Variants in TNFSF4 observed in about 807,000 individuals in gnomAD.
TNFSF4 encodes TNF superfamily member 4.
A neutral mutation model predicts 7.3 loss-of-function variants in TNFSF4; 4 were observed. That is an observed-to-expected ratio of 0.55 (90% CI 0.27 to 1.25). The LOEUF is 1.25. Among genes scored for constraint, TNFSF4 ranks in the 50% most tolerant of loss-of-function variants. TNFSF4 has a pLI of 0.12. For synonymous variants in TNFSF4, 76 were observed against 83.7 expected, an observed-to-expected ratio of 0.91 and a Z score of 0.50; for missense variants, 181 against 208.8, an observed-to-expected ratio of 0.87 and a Z score of 0.82.
the TNFSF4 span, among the ~76,000 whole-genome samples, chr1:173,274,493 G>A: frequency 6.6e-6 from 1 of 152,016 alleles, no homozygotes; most frequent in Non-Finnish European, 1.5e-5. Context: ...TAGTAACCAC[G>A]GTAAGCAGAA....
At chr1:173,243,012 G>GC in the TNFSF4 span, among the ~76,000 whole-genome samples, 3 of 113,394 alleles carry the variant, frequency 2.6e-5, no homozygotes, top group African/African-American at 9.7e-5. Context: ...GGTGGGGGGG[G>GC]GGGGGGAGCA....
chr1:173,405,985 T>C, the TNFSF4 span, among the ~76,000 whole-genome samples: 51 of 152,226 alleles, frequency 3.4e-4, no homozygotes, highest in African/African-American at 1.2e-3. Flanking sequence ...GTGTGTGTTA[T>C]TGGATCTAGA....
At chr1:173,427,661 G>C in the TNFSF4 span, among the ~76,000 whole-genome samples, 1 of 152,174 alleles carries the variant, frequency 6.6e-6, no homozygotes, top group South Asian at 2.1e-4. Flanking sequence ...CTTAACGACA[G>C]CAATACATTC....
chr1:173,264,892 G>A, the TNFSF4 span, among the ~76,000 whole-genome samples: 2 of 152,172 alleles, frequency 1.3e-5, no homozygotes, highest in East Asian at 3.8e-4. Flanking sequence ...AAGGGAAGAA[G>A]GACAAGGTTA....
intron 1 of TNFSF4, among the ~76,000 whole-genome samples, chr1:173,195,181 G>A (rs1298363523): frequency 1.3e-5 from 2 of 152,126 alleles, no homozygotes; most frequent in Non-Finnish European, 2.9e-5. Flanking sequence ...ATTTATCTGA[G>A]GGTCCTAAAT....
the TNFSF4 span, among the ~76,000 whole-genome samples, chr1:173,315,492 A>G: frequency 6.6e-6 from 1 of 152,160 alleles, no homozygotes; most frequent in Admixed American, 6.5e-5. Context: ...TGCTACTTCA[A>G]TAAAAGACTA....
the TNFSF4 span, among the ~76,000 whole-genome samples, chr1:173,399,246 T>G: frequency 1.3e-5 from 2 of 152,172 alleles, no homozygotes; most frequent in Non-Finnish European, 2.9e-5. Flanking sequence ...AACCTGCACC[T>G]ATACCCTCAT....
chr1:173,202,321 C>T (rs1268509421), intron 1 of TNFSF4, among the ~76,000 whole-genome samples: 4 of 152,160 alleles, frequency 2.6e-5, no homozygotes, highest in Non-Finnish European at 4.4e-5. Context: ...CATCCCCATC[C>T]AAATTATTCT....
At chr1:173,357,400 T>C in the TNFSF4 span, among the ~76,000 whole-genome samples, 1 of 152,198 alleles carries the variant, frequency 6.6e-6, no homozygotes, top group African/African-American at 2.4e-5. Flanking sequence ...CAGCAAGAAT[T>C]TGCCTTCCTT....
chr1:173,308,146 A>G, the TNFSF4 span, among the ~76,000 whole-genome samples: 1 of 151,724 alleles, frequency 6.6e-6, no homozygotes, highest in East Asian at 1.9e-4. Context: ...AATATCTTCT[A>G]CTCTGTGATT....
At chr1:173,411,581 C>G in the TNFSF4 span, among the ~76,000 whole-genome samples, 1 of 152,080 alleles carries the variant, frequency 6.6e-6, no homozygotes, top group Admixed American at 6.5e-5. Context: ...GGGCAGATCA[C>G]TTGAGGCCAG....
the TNFSF4 span, among the ~76,000 whole-genome samples, chr1:173,174,871 G>T: frequency 7.9e-5 from 12 of 152,254 alleles, no homozygotes; most frequent in Admixed American, 7.8e-4. Context: ...GAAACAAAAA[G>T]CTACAGGGCT....
At chr1:173,258,283 G>A in the TNFSF4 span, among the ~76,000 whole-genome samples, 1 of 151,920 alleles carries the variant, frequency 6.6e-6, no homozygotes, top group African/African-American at 2.4e-5. Context: ...GAGGTATGCA[G>A]GTTCTCTCAT....
chr1:173,410,842 G>A, the TNFSF4 span, among the ~76,000 whole-genome samples: 2 of 152,318 alleles, frequency 1.3e-5, no homozygotes, highest in Admixed American at 6.5e-5. Context: ...TCTGTGTACA[G>A]CTTTAAACCC....
At chr1:173,338,621 T>A in the TNFSF4 span, among the ~76,000 whole-genome samples, 1 of 152,154 alleles carries the variant, frequency 6.6e-6, no homozygotes, top group Non-Finnish European at 1.5e-5. Context: ...GTTTCTCCCA[T>A]AGCTAGGGTC....
chr1:173,294,303 C>G, the TNFSF4 span, among the ~76,000 whole-genome samples: 1 of 152,014 alleles, frequency 6.6e-6, no homozygotes, highest in African/African-American at 2.4e-5. Flanking sequence ...TTCTTTGCAG[C>G]AACATGGATG....
the TNFSF4 span, among the ~76,000 whole-genome samples, chr1:173,307,190 TA>T: frequency 2.0e-5 from 3 of 150,812 alleles, no homozygotes; most frequent in East Asian, 3.9e-4. Flanking sequence ...TTGCTCACAA[TA>T]AAAAAAAATA....
chr1:173,424,372 G>C, the TNFSF4 span, among the ~76,000 whole-genome samples: 1 of 152,198 alleles, frequency 6.6e-6, no homozygotes, highest in Admixed American at 6.5e-5. Flanking sequence ...ACCTATGCAT[G>C]ACTATCTATA....
At chr1:173,257,122 C>T in the TNFSF4 span, among the ~76,000 whole-genome samples, 2 of 152,220 alleles carry the variant, frequency 1.3e-5, no homozygotes, top group Non-Finnish European at 2.9e-5. Context: ...GCTTCTACTT[C>T]AGAAATCCAA....
Sources: gnomAD v4.1 joint callset for allele counts (sites outside exome capture counted in the v4.1 genomes callset) on GRCh38, gnomAD v4.1.1 for gene constraint, MANE v1.5 for transcripts, NCBI Gene and HGNC (gene_info 2026-07-23, HGNC 2026-07-21) for gene names.